Variants in SMYD3 observed in about 807,000 individuals in gnomAD.
SMYD3 encodes the protein histone-lysine N-methyltransferase SMYD3.
In SMYD3, 36 loss-of-function variants were observed where a neutral mutation model predicts 57.7. The observed-to-expected ratio is 0.62, with a 90% CI of 0.48 to 0.82. The LOEUF is 0.82. Among genes scored for constraint, SMYD3 ranks in the 40% least tolerant of loss-of-function variants. The pLI, the probability that SMYD3 is intolerant of heterozygous loss-of-function variation, is 0.00. For synonymous variants in SMYD3, 211 were observed against 195.0 expected (o/e 1.08, Z -0.68); for missense variants, 515 against 538.8 (o/e 0.96, Z 0.44).
intron 5 of SMYD3, among the ~76,000 whole-genome samples, chr1:246,184,603 G>C (rs2062603204): frequency 1.3e-5 from 2 of 152,124 alleles, no homozygotes; most frequent in Non-Finnish European, 2.9e-5. Flanking sequence ...TTGGAGAAGG[G>C]GCTTCTCAGA....
Position 246,507,193 on chromosome 1 carries a change from A to C in SMYD3, c.25T>G (p.Phe9Val). MEPLKVEK[F>V]ATAKRGNGLR... ...CCGTTTCCCCTCTTGGCGGTTGCGA[A>C]CTTTTCCACCTTCAGCGGCTCCATC... Residue 9 changes from phenylalanine (F) to valine (V), a missense_variant, in exon 1 of 12, where the codon TTC becomes GTC. Phe to Val is a conservative substitution (Grantham distance 50). Transcript: ENST00000490107. 1 of 1,527,042 alleles carries C rather than the reference A, an allele frequency of 6.5e-7. No individual in the cohort carries two copies. The highest frequency in any genetic ancestry group is 1.7e-4 in the Middle Eastern group (1 of 5,918). The allele number at this position is 1,527,042 out of a possible 1,614,324, so 94.6% of individuals were successfully genotyped here.
At chr1:245,834,709 A>C (rs1190273379) in intron 10 of SMYD3, among the ~76,000 whole-genome samples, 1 of 152,174 alleles carries the variant, frequency 6.6e-6, no homozygotes, top group South Asian at 2.1e-4. Context: ...CACAGGGAGT[A>C]ATCACCATTT....
intron 5 of SMYD3, among the ~76,000 whole-genome samples, chr1:246,309,290 G>C (rs568507780): frequency 6.6e-6 from 1 of 152,210 alleles, no homozygotes; most frequent in East Asian, 1.9e-4. Context: ...CCATGGATGG[G>C]AAAACAGAAA....
At chr1:246,263,560 G>A (rs931421108) in intron 5 of SMYD3, among the ~76,000 whole-genome samples, 2 of 152,108 alleles carry the variant, frequency 1.3e-5, no homozygotes, top group East Asian at 1.9e-4. Context: ...TCATACCAGC[G>A]TATTTATCTT....
At chr1:245,812,029 A>G (rs562509244) in intron 10 of SMYD3, among the ~76,000 whole-genome samples, 63 of 152,198 alleles carry the variant, frequency 4.1e-4, no homozygotes, top group African/African-American at 1.5e-3. Flanking sequence ...TTGATTTTCC[A>G]TTTTCAGGGA....
intron 7 of SMYD3, among the ~76,000 whole-genome samples, chr1:245,923,258 A>G (rs2056115081): frequency 6.6e-6 from 1 of 152,130 alleles, no homozygotes; most frequent in African/African-American, 2.4e-5. Context: ...TGTATAGTAC[A>G]TACAATAAAA....
At chr1:245,914,374 A>T (rs531873068) in intron 8 of SMYD3, among the ~76,000 whole-genome samples, 1 of 152,250 alleles carries the variant, frequency 6.6e-6, no homozygotes, top group Non-Finnish European at 1.5e-5. Context: ...ATCAACCTCT[A>T]TGTCCATCAA....
intron 10 of SMYD3, among the ~76,000 whole-genome samples, chr1:245,767,716 G>A (rs1056816125): frequency 2.0e-5 from 3 of 152,188 alleles, no homozygotes; most frequent in African/African-American, 7.2e-5. Flanking sequence ...GGGAAGGGAG[G>A]TGCACTCAAG....
At chr1:246,126,080 G>A (rs1238500791) in intron 5 of SMYD3, among the ~76,000 whole-genome samples, 1 of 152,156 alleles carries the variant, frequency 6.6e-6, no homozygotes, top group East Asian at 1.9e-4. Flanking sequence ...TAATTCCAGA[G>A]CACTAAGAAG....
intron 1 of SMYD3, among the ~76,000 whole-genome samples, chr1:246,450,465 C>T (rs1182688549): frequency 6.6e-6 from 1 of 152,148 alleles, no homozygotes; most frequent in African/African-American, 2.4e-5. Context: ...CTGCACACGG[C>T]CCTGAAAAAT....
chr1:246,242,174 T>C (rs1313581323), intron 5 of SMYD3, among the ~76,000 whole-genome samples: 1 of 152,232 alleles, frequency 6.6e-6, no homozygotes, highest in East Asian at 1.9e-4. Context: ...TTCTTTTAAT[T>C]GTGATGTTAG....
intron 1 of SMYD3, among the ~76,000 whole-genome samples, chr1:246,503,477 A>C (rs551647832): frequency 1.4e-4 from 21 of 152,296 alleles, no homozygotes; most frequent in African/African-American, 5.1e-4. Flanking sequence ...GGCCCTGGGG[A>C]TATAAAAAAG....
At chr1:246,333,331 C>T (rs1223046408) in intron 3 of SMYD3, among the ~76,000 whole-genome samples, 2 of 152,190 alleles carry the variant, frequency 1.3e-5, no homozygotes, top group African/African-American at 4.8e-5. Context: ...TACCCTTCTA[C>T]ACATCAGTCT....
At chr1:246,338,004 A>G (rs1245437801) in intron 2 of SMYD3, among the ~76,000 whole-genome samples, 2 of 152,214 alleles carry the variant, frequency 1.3e-5, no homozygotes, top group Non-Finnish European at 2.9e-5. Context: ...ACTAGACAAA[A>G]TGTTTCTTAA....
At chr1:246,144,289 GC>G (rs2061809299) in intron 5 of SMYD3, among the ~76,000 whole-genome samples, 1 of 152,132 alleles carries the variant, frequency 6.6e-6, no homozygotes, top group South Asian at 2.1e-4. Context: ...TTCTAACACA[GC>G]CCCTTCTCAA....
chr1:246,449,869 T>C (rs980482943), intron 1 of SMYD3, among the ~76,000 whole-genome samples: 3 of 152,194 alleles, frequency 2.0e-5, no homozygotes, highest in Non-Finnish European at 4.4e-5. Flanking sequence ...TGTTTGTTTT[T>C]AAGTAATGTT....
chr1:246,228,056 G>A (rs140053665), intron 5 of SMYD3, among the ~76,000 whole-genome samples: 3,453 of 137,120 alleles, frequency 0.025, 72 homozygotes, highest in Non-Finnish European at 0.038. Flanking sequence ...TGCAACCTCC[G>A]CCTCCCGGGT....
At chr1:245,789,352 C>T (rs763266192) in intron 10 of SMYD3, among the ~76,000 whole-genome samples, 29 of 152,110 alleles carry the variant, frequency 1.9e-4, no homozygotes, top group Non-Finnish European at 3.7e-4. Flanking sequence ...ACAGGAATGG[C>T]ACTAGAACCC....
At chr1:245,806,916 C>CAA (rs112012738) in intron 10 of SMYD3, among the ~76,000 whole-genome samples, 425 of 41,278 alleles carry the variant, frequency 0.01, 33 homozygotes, top group African/African-American at 0.016. Flanking sequence ...GACTCCGTCT[C>CAA]AAAAAAAAAA....
Sources: gnomAD v4.1 joint callset for allele counts (sites outside exome capture counted in the v4.1 genomes callset) on GRCh38, gnomAD v4.1.1 for gene constraint, MANE v1.5 for transcripts, NCBI Gene and HGNC (gene_info 2026-07-23, HGNC 2026-07-21) for gene names.